Variants in SULF1 observed in about 807,000 individuals in gnomAD.
SULF1 encodes extracellular sulfatase Sulf-1.
In SULF1, 46 loss-of-function variants were observed where a neutral mutation model predicts 110.5. That is an observed-to-expected ratio of 0.42 (90% CI 0.33 to 0.53). The LOEUF (loss-of-function observed/expected upper bound fraction) is 0.53, where lower values mean the gene tolerates loss of function less well. Among genes scored for constraint, SULF1 ranks in the 20% least tolerant of loss-of-function variants. The pLI is 0.12. For synonymous variants in SULF1, 371 were observed against 387.1 expected, an observed-to-expected ratio of 0.96 and a Z score of 0.49; for missense variants, 941 against 1,094.2, an observed-to-expected ratio of 0.86 and a Z score of 1.98.
chr8:69,642,250 C>A (rs1198033908), intron 22 of SULF1: 2 of 986,866 alleles, frequency 2.0e-6, no homozygotes, highest in South Asian at 4.7e-5. Context: ...GTACCCTGTT[C>A]GGCCCCTCTA....
chr8:69,586,945 T>C lies in SULF1; in HGVS notation c.564+437T>C, dbSNP rs1469722285. 3.3e-5 allele frequency among the ~76,000 whole-genome samples: 5 copies of C among 152,236 alleles called. No individual in the cohort carries two copies. In the East Asian group the frequency reaches 7.7e-4, roughly 23 times the overall value. On this transcript the variant is annotated intron_variant, in intron 7 of 22. Coordinates refer to ENST00000402687, the MANE Select transcript of SULF1 (RefSeq NM_001128205.2). Reference sequence around the variant, plus strand: ...GCAAATAAATATGATAATTAAAGTTTGAAAAACCACATTCCTTGCTTTTAC... The same window carrying C: ...GCAAATAAATATGATAATTAAAGTTCGAAAAACCACATTCCTTGCTTTTAC...
chr8:69,526,839 A>AAGGAAGGAAGGG (rs1487684068), intron 3 of SULF1, among the ~76,000 whole-genome samples: 5 of 134,746 alleles, frequency 3.7e-5, no homozygotes, highest in Admixed American at 7.3e-5. Flanking sequence ...GGAAGGAAGG[A>AAGGAAGGAAGGG]AGGGAGGAAG....
At chr8:69,609,207 G>A (rs149473418) in intron 13 of SULF1, among the ~76,000 whole-genome samples, 128 of 152,220 alleles carry the variant, frequency 8.4e-4, no homozygotes, top group African/African-American at 2.6e-3. Context: ...ATAGCCAGGC[G>A]TGGTGGTGTG....
chr8:69,493,425 C>CCACACACA (rs144157646), intron 1 of SULF1, among the ~76,000 whole-genome samples: 5 of 147,082 alleles, frequency 3.4e-5, no homozygotes, highest in African/African-American at 1.3e-4. Context: ...TTGATACACA[C>CCACACACA]CACACACACA....
At chr8:69,541,581 AT>A (rs1025153486) in intron 3 of SULF1, among the ~76,000 whole-genome samples, 1 of 152,256 alleles carries the variant, frequency 6.6e-6, no homozygotes, top group African/African-American at 2.4e-5. Context: ...TAACAGTGAC[AT>A]TTTTAAAGCA....
chr8:69,600,188 T>G (rs144122170), intron 8 of SULF1, among the ~76,000 whole-genome samples: 122 of 152,328 alleles, frequency 8.0e-4, no homozygotes, highest in Non-Finnish European at 1.6e-3. Flanking sequence ...AACGTATTTG[T>G]GACTACATTT....
At chr8:69,547,189 G>A (rs1814323988) in intron 3 of SULF1, among the ~76,000 whole-genome samples, 2 of 151,952 alleles carry the variant, frequency 1.3e-5, no homozygotes, top group East Asian at 1.9e-4. Flanking sequence ...AGGAGGTGGG[G>A]TGGGGTGGGG....
intron 3 of SULF1, among the ~76,000 whole-genome samples, chr8:69,538,818 G>C (rs1813650926): frequency 2.0e-5 from 3 of 151,870 alleles, no homozygotes; most frequent in South Asian, 4.2e-4. Flanking sequence ...TCAGCCTCCC[G>C]AGTAGCTGGG....
intron 5 of SULF1, among the ~76,000 whole-genome samples, chr8:69,572,896 T>C (rs928403174): frequency 6.6e-6 from 1 of 152,186 alleles, no homozygotes; most frequent in Non-Finnish European, 1.5e-5. Flanking sequence ...GGCGCGATCT[T>C]GGCTCACTGC....
At chr8:69,467,984 A>T (rs1808926017) in intron 1 of SULF1, among the ~76,000 whole-genome samples, 1 of 134,928 alleles carries the variant, frequency 7.4e-6, no homozygotes, top group Admixed American at 7.1e-5. Context: ...TTTAATTTAT[A>T]GTATTAAAAA....
At chr8:69,640,092 G>T (rs1417426823) in intron 21 of SULF1, among the ~76,000 whole-genome samples, 1 of 149,516 alleles carries the variant, frequency 6.7e-6, no homozygotes, top group Non-Finnish European at 1.5e-5. Context: ...AGAGAGGGAG[G>T]GAGGGAGAGA....
In SULF1 at chr8:69,564,851, C is replaced by T. The variant is rs80090731; in HGVS notation, c.172+704C>T. ...CCAAGGGCCAATTCTTCTAGTCCAC[C>T]TAGTGCAAGGCAGATAGAAAGCTTG... On this transcript the variant is annotated intron_variant, in intron 5 of 22. Transcript: ENST00000402687. Among the ~76,000 whole-genome samples the T allele has an allele frequency of 8.8e-3, 1,343 of 152,310 alleles. 18 individuals are homozygous for T. Among genetic ancestry groups the T allele is most frequent in the African/African-American group, 0.031 (1,289 of 41,556 alleles).
chr8:69,621,904 A>G (rs1809639249), intron 14 of SULF1, among the ~76,000 whole-genome samples: 1 of 152,236 alleles, frequency 6.6e-6, no homozygotes. Flanking sequence ...AGTACCACCT[A>G]GTGGAGTAAC....
chr8:69,509,994 G>A (rs1410490775), intron 3 of SULF1, among the ~76,000 whole-genome samples: 1 of 152,188 alleles, frequency 6.6e-6, no homozygotes, highest in Non-Finnish European at 1.5e-5. Context: ...TCTAGTGATA[G>A]CCAACCTCTA....
intron 3 of SULF1, among the ~76,000 whole-genome samples, chr8:69,524,885 A>G (rs1812554781): frequency 6.6e-6 from 1 of 152,210 alleles, no homozygotes; most frequent in African/African-American, 2.4e-5. Flanking sequence ...ATTTACACGT[A>G]GATGGTCTAG....
At chr8:69,642,875 C>G (rs1217345003) in intron 22 of SULF1, among the ~76,000 whole-genome samples, 1 of 152,206 alleles carries the variant, frequency 6.6e-6, no homozygotes, top group Non-Finnish European at 1.5e-5. Flanking sequence ...CTCCCCTTCC[C>G]TGATCCCTGC....
At chr8:69,561,375 C>A (rs1016410570) in intron 3 of SULF1, among the ~76,000 whole-genome samples, 2 of 152,122 alleles carry the variant, frequency 1.3e-5, no homozygotes, top group East Asian at 1.9e-4. Flanking sequence ...TAGGAAAAAA[C>A]CACTCTCTCT....
intron 21 of SULF1, among the ~76,000 whole-genome samples, chr8:69,640,373 G>A (rs1811387048): frequency 6.6e-6 from 1 of 152,156 alleles, no homozygotes; most frequent in Non-Finnish European, 1.5e-5. Context: ...GACACACTGG[G>A]TGGAGCCAGT....
At chr8:69,476,377 T>A (rs1456814455) in intron 1 of SULF1, among the ~76,000 whole-genome samples, 1 of 152,230 alleles carries the variant, frequency 6.6e-6, no homozygotes, top group Admixed American at 6.5e-5. Flanking sequence ...CAAGTCTTCC[T>A]ACTAAATCAA....
Sources: allele counts gnomAD v4.1 joint callset (sites outside exome capture counted in the v4.1 genomes callset), GRCh38; gene constraint gnomAD v4.1.1; transcripts MANE v1.5; gene names NCBI Gene and HGNC (gene_info 2026-07-23, HGNC 2026-07-21).